Variants in ATXN3 observed in about 807,000 individuals in gnomAD.
ATXN3 encodes the protein ataxin 3, also known as ataxin-3.
In ATXN3, 28 loss-of-function variants were observed where a neutral mutation model predicts 58.2. That is an observed-to-expected ratio of 0.48 (90% confidence interval 0.36 to 0.66). The LOEUF (loss-of-function observed/expected upper bound fraction) is 0.66. Among genes scored for constraint, ATXN3 ranks in the 30% least tolerant of loss-of-function variants. ATXN3 has a pLI of 0.00. For synonymous variants in ATXN3, 113 were observed against 138.5 expected, an observed-to-expected ratio of 0.82 and a Z score of 1.29; for missense variants, 321 against 422.1, an observed-to-expected ratio of 0.76 and a Z score of 2.10.
At chr14:92,093,912 C>A in intron 3 of ATXN3, 81 bp from the exon 4 acceptor site, 1 of 773,232 alleles carries the variant, frequency 1.3e-6, no homozygotes, top group Non-Finnish European at 2.2e-6. Flanking sequence ...TAGTTGTGTA[C>A]TTCATATATA....
intron 1 of ATXN3, among the ~76,000 whole-genome samples, chr14:92,100,581 A>G (rs1280215545): frequency 6.6e-6 from 1 of 152,088 alleles, no homozygotes; most frequent in African/African-American, 2.4e-5. Flanking sequence ...GTATGGATAA[A>G]TTTCTCAAAC....
At chr14:92,102,065 A>G (rs189953842) in intron 1 of ATXN3, among the ~76,000 whole-genome samples, 1 of 151,820 alleles carries the variant, frequency 6.6e-6, no homozygotes, top group African/African-American at 2.4e-5. Flanking sequence ...AGGCAGGAGA[A>G]TCTCTTGAAC....
At chr14:92,088,580 C>G (rs1281534591) in intron 6 of ATXN3, 150 bp downstream of exon 6, 7 of 663,842 alleles carry the variant, frequency 1.1e-5, no homozygotes, top group Non-Finnish European at 1.9e-5. Flanking sequence ...TGAACAGCGT[C>G]ACCCAAATCA....
At position 92,064,147 on chromosome 14, in the gene ATXN3, C is replaced by T. The variant is rs1467207557; in HGVS notation, c.*173G>A. 3 of 434,784 alleles carry T rather than the reference C, an allele frequency of 6.9e-6. No homozygotes were observed. Among genetic ancestry groups the T allele is most frequent in the Non-Finnish European group, 1.2e-5 (3 of 240,770 alleles). 26.9% of individuals were successfully genotyped at this position (434,784 alleles called of 1,614,324 possible). ...CCTCTTTGGCTAATATTTGGAAGAT[C>T]ATTATTTAGTCCTACAACCGACGCA... On this transcript the variant is annotated 3_prime_UTR_variant, in exon 11 of 11. Coordinates refer to ENST00000644486, the MANE Select transcript of ATXN3 (RefSeq NM_004993.6).
rs2057845256 is a variant in ATXN3 at position 92,062,475 on chromosome 14, CA to C, written c.*1844del. 1 of 152,018 alleles carries C rather than the reference CA, an allele frequency of 6.6e-6. No individual in the cohort carries two copies. Among genetic ancestry groups the C allele is most frequent in the Non-Finnish European group, 1.5e-5 (1 of 67,996 alleles). 9.4% of individuals were successfully genotyped at this position (152,018 alleles called of 1,614,324 possible). On this transcript the variant is annotated 3_prime_UTR_variant, in exon 11 of 11. Transcript: ENST00000644486. ...CTTTTCAATGGAAAAAGGTAATGAA[CA>C]AATATCCATGGAAAATATGACAAAC...
chr14:92,097,884 T>A (rs1311956590), intron 1 of ATXN3, among the ~76,000 whole-genome samples: 2 of 152,134 alleles, frequency 1.3e-5, no homozygotes, highest in African/African-American at 4.8e-5. Context: ...ATAATTAACA[T>A]AGGTACATGC....
chr14:92,104,963 C>T (rs539823167), intron 1 of ATXN3, among the ~76,000 whole-genome samples: 1 of 151,072 alleles, frequency 6.6e-6, no homozygotes, highest in African/African-American at 2.4e-5. Flanking sequence ...TTTTCACGCA[C>T]TCTACTCAGC....
At position 92,048,873 on chromosome 14, in the gene ATXN3, G is replaced by A. The variant is rs920280337; in HGVS notation, n.184+730C>T. ...CAAAGGACTCGGAGCTTGGGGTGGA[G>A]ACTGAAGGAACAGACAGGAGAGAAA... is the stretch of plus-strand genomic sequence containing the variant. On this transcript the variant is annotated intron_variant and non_coding_transcript_variant, in intron 1 of 2. Coordinates refer to the ATXN3 transcript ENST00000564606. Among the ~76,000 whole-genome samples the A allele has an allele frequency of 4.6e-5, 7 of 152,278 alleles. No homozygotes were observed. In the South Asian group the frequency reaches 1.4e-3, roughly 32 times the overall value.
At position 92,070,989 on chromosome 14, in the gene ATXN3, A is replaced by C. The variant is rs779933798; in HGVS notation, c.937T>G (p.Ser313Ala). The C allele has an allele frequency of 5.7e-6, 5 of 884,712 alleles. No individual in the cohort carries two copies. The Admixed American group carries it at 2.2e-4, about 38-fold the overall frequency. 54.8% of individuals were successfully genotyped at this position (884,712 alleles called of 1,614,324 possible). The change falls in exon 10 of 11, where the codon TCA (serine) becomes GCA (alanine). Residue 313 changes from serine to alanine, a missense_variant. By Grantham distance (99) the Ser-to-Ala change is moderately conservative. This residue lies in a region of ATXN3 where 200 missense variants were observed against 223.2 expected (regional missense o/e 0.90). Coordinates refer to ENST00000644486, the MANE Select transcript of ATXN3 (RefSeq NM_004993.6). ...QQQGDLSGQSSHPCERPATSS... is the reference protein window; with the variant it reads ...QQQGDLSGQSAHPCERPATSS... ...GTGGCTGGCCTTTCACATGGATGTG[A>C]ACTCTGTCCTGATAGGTCCCCCTGC...
At chr14:92,095,282 T>C (rs1200352405) in intron 3 of ATXN3, among the ~76,000 whole-genome samples, 1 of 152,082 alleles carries the variant, frequency 6.6e-6, no homozygotes, top group Non-Finnish European at 1.5e-5. Flanking sequence ...TCTCGCTCTG[T>C]CACCAGGCTA....
At chr14:92,069,279 C>T (rs1237570612) in intron 10 of ATXN3, among the ~76,000 whole-genome samples, 2 of 151,410 alleles carry the variant, frequency 1.3e-5, no homozygotes, top group African/African-American at 2.4e-5. Context: ...CCATGTTGGC[C>T]AGGCTGGTCT....
At chr14:92,087,380 G>A (rs1267718547) in intron 6 of ATXN3, among the ~76,000 whole-genome samples, 3 of 152,232 alleles carry the variant, frequency 2.0e-5, no homozygotes, top group Non-Finnish European at 2.9e-5. Context: ...GAGCCCAGGA[G>A]TTTGGAGCTG....
At position 92,088,747 on chromosome 14, in the gene ATXN3, G is replaced by A; in HGVS notation, c.458C>T (p.Ala153Val). 6.2e-7 allele frequency: 1 copy of A among 1,608,360 alleles called. No homozygotes were observed. Among genetic ancestry groups the A allele is most frequent in the East Asian group, 2.2e-5 (1 of 44,814 alleles). The change falls in exon 6 of 11, where the codon GCT becomes GTT. Residue 153 changes from alanine (A) to valine (V), a missense_variant. Ala to Val is a moderately conservative substitution (Grantham distance 64, BLOSUM62 0). Around this residue, in one of 2 missense-constraint regions of ATXN3, gnomAD observed 121 missense variants for 198.9 expected, o/e 0.61. Coordinates refer to ENST00000644486, the MANE Select transcript of ATXN3 (RefSeq NM_004993.6). The stretch of plus-strand genomic sequence containing the variant: ...TTACTTACCTTCCTGTTGTAATTGA[G>A]CCAAGAAAAGTGCAAGATATGTATC... ...ISDTYLALFL[A>V]QLQQEGYSIF...
intron 1 of ATXN3, among the ~76,000 whole-genome samples, chr14:92,100,351 C>A (rs1477946175): frequency 6.6e-6 from 1 of 151,938 alleles, no homozygotes; most frequent in African/African-American, 2.4e-5. Context: ...TATTTTTGTG[C>A]CACAAATAGC....
intron 1 of ATXN3, among the ~76,000 whole-genome samples, chr14:92,101,883 G>T (rs571171694): frequency 6.6e-6 from 1 of 151,340 alleles, no homozygotes; most frequent in East Asian, 2.0e-4. Flanking sequence ...GGCTGGGCGT[G>T]GTAGCTCACG....
intron 9 of ATXN3, among the ~76,000 whole-genome samples, chr14:92,073,172 T>C (rs1344587539): frequency 6.6e-6 from 1 of 152,250 alleles, no homozygotes; most frequent in Admixed American, 6.5e-5. Context: ...TTTAGAGGAA[T>C]AGCCTTTATT....
rs17127942 is a variant in ATXN3, at chr14:92,085,935, G to A, written c.476-2677C>T. On this transcript the variant is annotated intron_variant, in intron 6 of 10. Coordinates refer to ENST00000644486, the MANE Select transcript of ATXN3 (RefSeq NM_004993.6). ...GGGCTGAAGGCCAAAGGTAGACAGG[G>A]TTTCTAAGAAGGGATATCATCAGGA... 2.4e-3 allele frequency among the ~76,000 whole-genome samples: 372 copies of A among 152,224 alleles called. 4 individuals are homozygous for A. The highest frequency in any genetic ancestry group is 0.016 in the Admixed American group (247 of 15,304).
chr14:92,082,203 A>T, intron 8 of ATXN3, 97 bp downstream of exon 8: 1 of 1,373,542 alleles, frequency 7.3e-7, no homozygotes, highest in Non-Finnish European at 9.8e-7. Context: ...AGTAATTGTC[A>T]AAACACCTCT....
intron 5 of ATXN3, 63 bp from the exon 6 acceptor site, chr14:92,088,880 G>T: frequency 1.1e-6 from 1 of 904,044 alleles, no homozygotes; most frequent in Non-Finnish European, 1.8e-6. Flanking sequence ...AGTTTCACAT[G>T]TTAAGAATAG....
Sources: allele counts gnomAD v4.1 joint callset (sites outside exome capture counted in the v4.1 genomes callset), GRCh38; gene constraint gnomAD v4.1.1; regional missense constraint gnomAD v4.1.1; transcripts MANE v1.5; gene names NCBI Gene and HGNC (gene_info 2026-07-23, HGNC 2026-07-21).